The following PDE1C variants were observed in gnomAD, a reference collection of about 807,000 sequenced individuals.
The protein encoded by PDE1C is phosphodiesterase 1C, also known as dual specificity calcium/calmodulin-dependent 3',5'-cyclic nucleotide phosphodiesterase 1C.
PDE1C carries 62 observed loss-of-function variants against 93.1 expected under a neutral mutation model. That is an observed-to-expected ratio of 0.67 (90% confidence interval 0.54 to 0.82). The LOEUF (loss-of-function observed/expected upper bound fraction) is 0.82, where lower values mean the gene tolerates loss of function less well. PDE1C is among the 40% of genes least tolerant of loss of function. The probability of loss-of-function intolerance (pLI) is 0.00; values close to 1 mark genes in which losing one functional copy is unlikely to be tolerated. For synonymous variants in PDE1C, 325 were observed against 310.1 expected, an observed-to-expected ratio of 1.05 and a Z score of -0.50; for missense variants, 742 against 884.6, an observed-to-expected ratio of 0.84 and a Z score of 2.04.
At chr7:32,294,710 C>T (rs1373102853) in intron 1 of PDE1C, among the ~76,000 whole-genome samples, 1 of 152,200 alleles carries the variant, frequency 6.6e-6, no homozygotes, top group Non-Finnish European at 1.5e-5. Flanking sequence ...ATCCAAACTC[C>T]AGAAGGAAAG....
At chr7:32,130,980 A>G (rs56069807) in intron 3 of PDE1C, among the ~76,000 whole-genome samples, 30,824 of 151,942 alleles carry the variant, frequency 0.2, 3,788 homozygotes, top group Middle Eastern at 0.3. Flanking sequence ...ACCCTGTTTC[A>G]TGTTCCCTTT....
At chr7:31,796,700 T>C (rs150673562) in intron 16 of PDE1C, among the ~76,000 whole-genome samples, 364 of 151,818 alleles carry the variant, frequency 2.4e-3, no homozygotes, top group Non-Finnish European at 4.2e-3. Context: ...TCACATATTA[T>C]GGATTGGTTA....
chr7:31,621,830 A>G, the PDE1C span, among the ~76,000 whole-genome samples: 1 of 151,674 alleles, frequency 6.6e-6, no homozygotes, highest in Non-Finnish European at 1.5e-5. Flanking sequence ...TAAAGAGTCA[A>G]GACCCATCAG....
chr7:31,641,760 T>A, the PDE1C span, among the ~76,000 whole-genome samples: 6 of 152,244 alleles, frequency 3.9e-5, no homozygotes, highest in East Asian at 1.2e-3. Context: ...TTATCCAAAC[T>A]TTAGTAAAAA....
intron 2 of PDE1C, among the ~76,000 whole-genome samples, chr7:31,936,940 A>G (rs1805165901): frequency 6.6e-6 from 1 of 152,178 alleles, no homozygotes. Flanking sequence ...AGTTACAGGT[A>G]AAGACATACG....
chr7:31,854,813 T>C (rs989596902), intron 7 of PDE1C, among the ~76,000 whole-genome samples: 2 of 152,144 alleles, frequency 1.3e-5, no homozygotes, highest in Non-Finnish European at 2.9e-5. Context: ...ATGCTTATAA[T>C]CCCAGCACTT....
At chr7:32,427,357 G>A (rs748572672) in intron 1 of PDE1C, among the ~76,000 whole-genome samples, 5 of 152,100 alleles carry the variant, frequency 3.3e-5, no homozygotes, top group African/African-American at 7.2e-5. Context: ...CAAATCGTGT[G>A]TGCTCTTTTC....
At chr7:32,086,465 A>G (rs1797082481) in intron 3 of PDE1C, among the ~76,000 whole-genome samples, 1 of 152,228 alleles carries the variant, frequency 6.6e-6, no homozygotes, top group East Asian at 1.9e-4. Flanking sequence ...ATCCTCATCA[A>G]GCTACCAATG....
chr7:31,652,009 T>G, the PDE1C span: 1 of 1,604,952 alleles, frequency 6.2e-7, no homozygotes, highest in African/African-American at 1.3e-5. Flanking sequence ...GGAATTTCAG[T>G]TAGGAGACCG....
At chr7:32,201,934 T>G (rs1165499499) in intron 2 of PDE1C, among the ~76,000 whole-genome samples, 1 of 152,190 alleles carries the variant, frequency 6.6e-6, no homozygotes, top group Non-Finnish European at 1.5e-5. Flanking sequence ...GTAGCACATC[T>G]GAGACTATGT....
At chr7:32,084,518 G>T (rs1030514728) in intron 3 of PDE1C, among the ~76,000 whole-genome samples, 1 of 150,020 alleles carries the variant, frequency 6.7e-6, no homozygotes, top group Non-Finnish European at 1.5e-5. Flanking sequence ...GACATCTACA[G>T]AACTCTCCAC....
At chr7:32,113,074 T>C (rs1268770199) in intron 3 of PDE1C, among the ~76,000 whole-genome samples, 2 of 149,252 alleles carry the variant, frequency 1.3e-5, no homozygotes, top group Admixed American at 6.7e-5. Flanking sequence ...CTTCTACAAA[T>C]TGAATAGCAT....
At chr7:31,695,357 C>A in the PDE1C span, 1 of 939,154 alleles carries the variant, frequency 1.1e-6, no homozygotes, top group Non-Finnish European at 1.5e-6. Context: ...TTTTCCTTTT[C>A]AGGCCAAATC....
chr7:32,367,917 T>G (rs215709), intron 1 of PDE1C, among the ~76,000 whole-genome samples: 112,942 of 151,680 alleles, frequency 0.74, 44,372 homozygotes, highest in East Asian at 0.97. Flanking sequence ...CACTCCAGCC[T>G]GGATGACAGA....
chr7:32,231,984 C>A (rs1807729961), intron 1 of PDE1C, among the ~76,000 whole-genome samples: 1 of 141,684 alleles, frequency 7.1e-6, no homozygotes, highest in Admixed American at 7.0e-5. Flanking sequence ...CACACACACA[C>A]ACACACACAC....
chr7:32,393,017 C>A (rs1341482745), intron 1 of PDE1C, among the ~76,000 whole-genome samples: 1 of 135,524 alleles, frequency 7.4e-6, no homozygotes, highest in African/African-American at 2.8e-5. Context: ...CCACTGCACT[C>A]CAGCCTGGGC....
At chr7:31,772,937 G>A (rs1457718176) in intron 17 of PDE1C, among the ~76,000 whole-genome samples, 2 of 152,242 alleles carry the variant, frequency 1.3e-5, no homozygotes, top group Non-Finnish European at 2.9e-5. Flanking sequence ...GGGCCCCCAT[G>A]GCACACAAGC....
intron 2 of PDE1C, among the ~76,000 whole-genome samples, chr7:31,958,207 G>C (rs1285289698): frequency 6.6e-6 from 1 of 152,194 alleles, no homozygotes; most frequent in African/African-American, 2.4e-5. Context: ...CCGCTTCCAA[G>C]CATGTGCCGT....
intron 16 of PDE1C, among the ~76,000 whole-genome samples, chr7:31,807,984 C>T: frequency 6.6e-6 from 1 of 151,536 alleles, no homozygotes; most frequent in East Asian, 1.9e-4. Context: ...AATAAGACAC[C>T]TGGAGTTAAT....
Sources: allele counts gnomAD v4.1 joint callset (sites outside exome capture counted in the v4.1 genomes callset), GRCh38; gene constraint gnomAD v4.1.1; transcripts MANE v1.5; gene names NCBI Gene and HGNC (gene_info 2026-07-23, HGNC 2026-07-21).